The following MAP3K19 variants were observed in gnomAD, a reference collection of about 807,000 sequenced individuals.
MAP3K19 encodes the protein mitogen-activated protein kinase kinase kinase 19.
Under a neutral mutation model 114.4 loss-of-function variants are expected in MAP3K19, and 91 were observed. The observed-to-expected ratio is 0.80, with a 90% CI of 0.67 to 0.95. The LOEUF (loss-of-function observed/expected upper bound fraction) is 0.95. Ranked by LOEUF, MAP3K19 falls within the 40% of genes least tolerant of loss-of-function variation. MAP3K19 has a pLI of 0.00. For missense variants in MAP3K19, 1,471 were observed against 1,573.2 expected, an observed-to-expected ratio of 0.94 and a Z score of 1.10; for synonymous variants, 518 against 530.5, an observed-to-expected ratio of 0.98 and a Z score of 0.32.
chr2:135,035,180 T>G (rs532681241), intron 2 of MAP3K19, among the ~76,000 whole-genome samples: 6 of 152,122 alleles, frequency 3.9e-5, no homozygotes, highest in Non-Finnish European at 7.4e-5. Flanking sequence ...GTGGATCACT[T>G]TAGCTCAGGA....
intron 3 of MAP3K19, among the ~76,000 whole-genome samples, chr2:135,029,060 GT>G (rs1688318844): frequency 6.6e-6 from 1 of 152,144 alleles, no homozygotes; most frequent in Non-Finnish European, 1.5e-5. Context: ...ATGTTTAGGG[GT>G]TAAAAATGTG....
chr2:134,984,779 C>T (rs1281134288), intron 10 of MAP3K19, among the ~76,000 whole-genome samples: 1 of 152,132 alleles, frequency 6.6e-6, no homozygotes, highest in Admixed American at 6.6e-5. Context: ...TGGTGAAATC[C>T]CGTCTCTACT....
At chr2:134,972,541 C>G (rs1573911396) in intron 12 of MAP3K19, among the ~76,000 whole-genome samples, 1 of 152,008 alleles carries the variant, frequency 6.6e-6, no homozygotes, top group East Asian at 1.9e-4. Context: ...TTACTGCAGT[C>G]TCGAACTCTT....
chr2:134,983,937 T>G, intron 10 of MAP3K19, 112 bp from the exon 11 acceptor site: 1 of 679,830 alleles, frequency 1.5e-6, no homozygotes, highest in Non-Finnish European at 2.5e-6. Context: ...TGGCCACTCT[T>G]ACAGGTAACT....
chr2:134,979,652 T>G (rs1028367159), intron 12 of MAP3K19, among the ~76,000 whole-genome samples: 1 of 150,286 alleles, frequency 6.7e-6, no homozygotes, highest in African/African-American at 2.5e-5. Flanking sequence ...TTTTTTTTTT[T>G]TTTTTTTTTG....
chr2:135,012,519 T>C (rs551639021), intron 5 of MAP3K19, among the ~76,000 whole-genome samples: 1 of 152,324 alleles, frequency 6.6e-6, no homozygotes, highest in East Asian at 1.9e-4. Context: ...GATTTAACCG[T>C]TTATTTTTAA....
At chr2:135,019,677 T>C (rs948148930) in intron 5 of MAP3K19, among the ~76,000 whole-genome samples, 6 of 136,838 alleles carry the variant, frequency 4.4e-5, no homozygotes, top group African/African-American at 1.7e-4. Flanking sequence ...TTTTTTGGAC[T>C]TTTTTTTTTA....
At chr2:135,031,040 G>A (rs1397649510) in intron 2 of MAP3K19, among the ~76,000 whole-genome samples, 2 of 151,988 alleles carry the variant, frequency 1.3e-5, no homozygotes, top group Non-Finnish European at 2.9e-5. Flanking sequence ...TATGGTGAGG[G>A]GACAGACTGC....
In MAP3K19 at chr2:135,014,508, C is replaced by T. The variant is rs532652821; in HGVS notation, c.138+7207G>A. ...GCCATGCCTGGCTGAAAACCATATT[C>T]TTTTTTGTGTGTGTCAGATATTTGA... On this transcript the variant is annotated intron_variant, in intron 5 of 12. Transcript: ENST00000392915. Among the ~76,000 whole-genome samples the T allele has an allele frequency of 6.6e-5, 10 of 152,296 alleles. No individual in the cohort carries two copies. In the South Asian group the frequency reaches 2.1e-3, roughly 32 times the overall value.
chr2:135,019,456 G>A (rs756136821), intron 5 of MAP3K19, among the ~76,000 whole-genome samples: 10 of 152,124 alleles, frequency 6.6e-5, no homozygotes, highest in Non-Finnish European at 1.0e-4. Flanking sequence ...TTAGGAGGCC[G>A]AGGCAGGAGG....
intron 8 of MAP3K19, among the ~76,000 whole-genome samples, chr2:134,995,961 TAA>T (rs546581721): frequency 4.0e-5 from 6 of 151,850 alleles, no homozygotes; most frequent in Non-Finnish European, 7.4e-5. Flanking sequence ...CTTTTTTTTT[TAA>T]GAGATGAGGT....
intron 12 of MAP3K19, among the ~76,000 whole-genome samples, chr2:134,977,356 A>ATTTTTTTTTTTTTTTTTTTTTTTTTTT (rs774277347): frequency 2.3e-5 from 2 of 86,834 alleles, no homozygotes; most frequent in Non-Finnish European, 2.0e-5. Context: ...TAATTTTTAA[A>ATTTTTTTTTTTTTTTTTTTTTTTTTTT]TTTTTTTTTT....
intron 1 of MAP3K19, among the ~76,000 whole-genome samples, chr2:135,045,882 A>G (rs1688732107): frequency 6.6e-6 from 1 of 151,998 alleles, no homozygotes; most frequent in Non-Finnish European, 1.5e-5. Flanking sequence ...TTATCCCTAT[A>G]TGCAGGTCAT....
intron 12 of MAP3K19, among the ~76,000 whole-genome samples, chr2:134,972,722 C>A (rs1683965274): frequency 6.6e-6 from 1 of 152,126 alleles, no homozygotes; most frequent in Non-Finnish European, 1.5e-5. Context: ...CAGGTGTAAG[C>A]CACCATGCCC....
intron 5 of MAP3K19, among the ~76,000 whole-genome samples, chr2:135,019,154 A>C (rs1239554853): frequency 6.6e-6 from 1 of 152,188 alleles, no homozygotes; most frequent in East Asian, 1.9e-4. Flanking sequence ...AATCTTTTAG[A>C]AGACAGCATA....
In MAP3K19 at chr2:134,999,074, A is replaced by G; in HGVS notation, c.315-77T>C. ...GATCTCCAGTCCTCAGTTCAGCCTG[A>G]CATCACTAGAAAGTTTGAAGAACTA... On this transcript the variant is annotated intron_variant, in intron 7 of 12. Transcript: ENST00000392915. The surrounding 1 kb of genome is among the most constrained non-coding windows in gnomAD (Gnocchi z 4.1). 1 of 1,479,996 alleles carries G rather than the reference A, an allele frequency of 6.8e-7. No homozygotes were observed. The highest frequency in any genetic ancestry group is 9.1e-7 in the Non-Finnish European group (1 of 1,095,960). The allele number at this position is 1,479,996 out of a possible 1,614,324, so 91.7% of individuals were successfully genotyped here.
rs1413245877 is a variant in MAP3K19 at position 134,983,792 on chromosome 2, C to A, written c.3106G>T (p.Glu1036Ter). Residue 1036 changes from glutamate (E) to a stop codon, truncating the protein, a stop_gained, in exon 11 of 13, where the codon GAG (glutamate) becomes TAG (stop). Coordinates refer to ENST00000392915, the MANE Select transcript of MAP3K19 (RefSeq NM_025052.5). LOFTEE classifies it high-confidence loss of function. ...HSSGLRIYDR[E>*]EKFLISNEKK... ...TCATTTGAGATGAGAAATTTCTCCT[C>A]CCTGTCATATATCCTGAGCCCACTA... is the stretch of plus-strand genomic sequence containing the variant. The A allele has an allele frequency of 1.2e-6, 2 of 1,603,986 alleles. No homozygotes were observed. The highest frequency in any genetic ancestry group is 1.7e-6 in the Non-Finnish European group (2 of 1,175,892).
Position 134,969,364 on chromosome 2 carries a change from G to A in MAP3K19, c.3921-4448C>T, listed in dbSNP as rs189379074. Among the ~76,000 whole-genome samples the A allele has an allele frequency of 2.7e-3, 407 of 152,138 alleles. 1 individual carries two copies. The highest frequency in any genetic ancestry group is 9.3e-3 in the African/African-American group (385 of 41,510). ...GTGGAAAGAGAGGGAGAGGGAGACC[G>A]TGGGGAGAGGGAGACGAGAGGGAGA... On this transcript the variant is annotated intron_variant, in intron 12 of 12. Transcript: ENST00000392915.
chr2:134,964,510 T>TA lies in MAP3K19; in HGVS notation c.*339dup. On this transcript the variant is annotated 3_prime_UTR_variant, in exon 13 of 13. Transcript: ENST00000392915. ...TATAAGTTGTTTTTACAATTTATTTTAAACTAACAACATTAAAATTGACAG... is the reference window on the plus strand; with the variant it reads ...TATAAGTTGTTTTTACAATTTATTTTAAAACTAACAACATTAAAATTGACAG... 6.1e-6 allele frequency: 1 copy of TA among 165,002 alleles called. No homozygotes were observed. Among genetic ancestry groups the TA allele is most frequent in the Non-Finnish European group, 1.3e-5 (1 of 76,530 alleles). 10.2% of individuals were successfully genotyped at this position (165,002 alleles called of 1,614,324 possible).
Sources: gnomAD v4.1 joint callset for allele counts (sites outside exome capture counted in the v4.1 genomes callset) on GRCh38, gnomAD v4.1.1 for gene constraint, Gnocchi (gnomAD v3.1) non-coding constraint, MANE v1.5 for transcripts, NCBI Gene and HGNC (gene_info 2026-07-23, HGNC 2026-07-21) for gene names.